Variants in RPL31 observed in about 807,000 individuals in gnomAD.
The protein encoded by RPL31 is ribosomal protein L31, also known as large ribosomal subunit protein eL31.
For synonymous variants in RPL31, 51 were observed against 55.0 expected (o/e 0.93, Z 0.32); for missense variants, 95 against 164.0 (o/e 0.58, Z 2.30).
chr2:101,013,670 A>G (rs1365127459), intron 4 of RPL31, among the ~76,000 whole-genome samples: 6 of 152,138 alleles, frequency 3.9e-5, no homozygotes, highest in African/African-American at 2.4e-5. Flanking sequence ...CATGGTTTCT[A>G]TTTTCTATAT....
At position 101,006,673 on chromosome 2, in the gene RPL31, A is replaced by G; in HGVS notation, c.*292A>G. On this transcript the variant is annotated 3_prime_UTR_variant, in exon 5 of 5. Transcript: ENST00000264258. ...TTCTAAGATAAGCATTTTTCCAGAA[A>G]CCAGGATGTAGAATCCAGTTGCCAT... 3.0e-6 allele frequency: 1 copy of G among 333,750 alleles called. No individual in the cohort carries two copies. Among genetic ancestry groups the G allele is most frequent in the Non-Finnish European group, 5.4e-6 (1 of 185,426 alleles). The allele number at this position is 333,750 out of a possible 1,614,324, so 20.7% of individuals were successfully genotyped here.
chr2:101,002,592 G>C, intron 1 of RPL31, 110 bp from the exon 2 acceptor site: 1 of 909,096 alleles, frequency 1.1e-6, no homozygotes, highest in East Asian at 2.5e-5. Context: ...AGCCTGGCCA[G>C]ACTCTCAGCA....
intron 4 of RPL31, among the ~76,000 whole-genome samples, chr2:101,016,899 G>C (rs1360682575): frequency 6.6e-6 from 1 of 150,802 alleles, no homozygotes; most frequent in African/African-American, 2.4e-5. Flanking sequence ...ACATGAAGGG[G>C]AACATCACAC....
downstream of RPL31, among the ~76,000 whole-genome samples, chr2:101,008,587 G>T (rs572366271): frequency 1.3e-5 from 2 of 152,254 alleles, no homozygotes; most frequent in East Asian, 3.9e-4. Flanking sequence ...GGCCGAGGCA[G>T]GCGGATCACC....
chr2:101,004,329 C>T, intron 3 of RPL31, 46 bp downstream of exon 3: 1 of 1,607,804 alleles, frequency 6.2e-7, no homozygotes, highest in Non-Finnish European at 8.5e-7. Flanking sequence ...GCAATGACAC[C>T]AGCTTCACTT....
intron 4 of RPL31, among the ~76,000 whole-genome samples, chr2:101,017,538 C>T (rs1055141587): frequency 6.6e-6 from 1 of 152,182 alleles, no homozygotes; most frequent in African/African-American, 2.4e-5. Flanking sequence ...ATCATACATG[C>T]TGTCTATCCT....
chr2:101,019,197 C>T (rs1679875894), exon 5 of RPL31: 6 of 908,588 alleles, frequency 6.6e-6, no homozygotes, highest in Non-Finnish European at 9.8e-6. Context: ...GGGGTTTCAA[C>T]AAGGTACTGA....
intron 2 of RPL31, 143 bp from the exon 3 acceptor site, chr2:101,004,015 A>C: frequency 1.2e-6 from 1 of 831,468 alleles, no homozygotes; most frequent in Middle Eastern, 3.8e-4. Context: ...GGCCTACTGT[A>C]TGCTGTAAAA....
In RPL31 at chr2:101,019,051, T is replaced by C. The variant is rs190156541; in HGVS notation, c.*13T>C. ...CAAGAGCCCATAAAGGGAGCCCTCCTGGAAGTGGATGAGGCCTTGGGTCTC... is the reference window on the plus strand; with the variant it reads ...CAAGAGCCCATAAAGGGAGCCCTCCCGGAAGTGGATGAGGCCTTGGGTCTC... On this transcript the variant is annotated 3_prime_UTR_variant, in exon 5 of 5. Coordinates refer to the RPL31 transcript ENST00000409028. 7 of 1,609,554 alleles carry C rather than the reference T, an allele frequency of 4.3e-6. No homozygotes were observed. In the Admixed American group the frequency reaches 1.2e-4, roughly 27 times the overall value.
chr2:101,007,895 T>C, downstream of RPL31: 1 of 1,614,058 alleles, frequency 6.2e-7, no homozygotes, highest in South Asian at 1.1e-5. Context: ...TACTGATTGA[T>C]CTTGGCATTT....
downstream of RPL31, among the ~76,000 whole-genome samples, chr2:101,008,757 G>C (rs1666942422): frequency 6.6e-6 from 1 of 151,556 alleles, no homozygotes; most frequent in Non-Finnish European, 1.5e-5. Context: ...GGTTGTGGTA[G>C]TCAAGATCAC....
intron 4 of RPL31, among the ~76,000 whole-genome samples, chr2:101,015,824 A>G (rs1046594696): frequency 6.6e-6 from 1 of 152,236 alleles, no homozygotes; most frequent in Non-Finnish European, 1.5e-5. Flanking sequence ...CAATGGGGAA[A>G]GGATTCCCTA....
Position 101,006,366 on chromosome 2 carries a change from T to C in RPL31, c.363T>C (p.Asn121=), listed in dbSNP as rs1678736977. The C allele has an allele frequency of 6.2e-7, 1 of 1,610,874 alleles. No individual in the cohort carries two copies. The highest frequency in any genetic ancestry group is 1.1e-5 in the South Asian group (1 of 90,144). The part of the protein sequence containing the change: ...VTTFKNLQTV[N]VDEN ...CCTTTACAGATCTACAGACAGTCAA[T>C]GTGGATGAGAACTAATCGCTGATCG... is the stretch of plus-strand genomic sequence containing the variant. The change falls in exon 5 of 5, where the codon AAT becomes AAC. Residue 121 remains asparagine, a synonymous_variant. Transcript: ENST00000264258.
In RPL31 at chr2:101,006,266, C is replaced by T. The variant is rs10934; in HGVS notation, c.347-84C>T. 462,399 of 1,564,782 alleles carry T rather than the reference C, an allele frequency of 0.3. 71,198 individuals are homozygous for T. Among genetic ancestry groups the T allele is most frequent in the Middle Eastern group, 0.38 (2,205 of 5,874 alleles). On this transcript the variant is annotated intron_variant, in intron 4 of 4. Coordinates refer to ENST00000264258, the MANE Select transcript of RPL31 (RefSeq NM_000993.5). ...TAAAAAGGTTGTGGAAAATAGAATG[C>T]CCAGACCCGTCTACAAAAGGTTTTT... is the stretch of plus-strand genomic sequence containing the variant.
chr2:101,011,251 T>A, downstream of RPL31: 1 of 675,732 alleles, frequency 1.5e-6, no homozygotes, highest in Non-Finnish European at 2.4e-6. Flanking sequence ...AGGAACTTGG[T>A]GGTGGGGGCA....
At chr2:101,008,051 TC>T, downstream of RPL31, 2 of 1,613,950 alleles carry the variant, frequency 1.2e-6, no homozygotes. Context: ...TGGGGCGTCT[TC>T]CCAGTGTCTG....
downstream of RPL31, chr2:101,007,730 CTG>C: frequency 7.3e-7 from 1 of 1,369,230 alleles, no homozygotes. Flanking sequence ...GTAAGGTAGA[CTG>C]AAATCTCGGT....
chr2:101,009,223 T>C (rs899937431), downstream of RPL31, among the ~76,000 whole-genome samples: 1 of 151,766 alleles, frequency 6.6e-6, no homozygotes, highest in Admixed American at 6.6e-5. Context: ...GCTAACATGG[T>C]GAAACCCTGT....
At chr2:101,004,076 A>G (rs972218589) in intron 2 of RPL31, 82 bp from the exon 3 acceptor site, 117 of 1,483,296 alleles carry the variant, frequency 7.9e-5, no homozygotes, top group South Asian at 1.5e-4. Context: ...CCAGGAGCCT[A>G]TCATCGACAT....
Sources: allele counts gnomAD v4.1 joint callset (sites outside exome capture counted in the v4.1 genomes callset), GRCh38; gene constraint gnomAD v4.1.1; transcripts MANE v1.5; gene names NCBI Gene and HGNC (gene_info 2026-07-23, HGNC 2026-07-21).